AP2A1: variants seen among roughly 807,000 people sequenced by gnomAD.
AP2A1 encodes adaptor related protein complex 2 subunit alpha 1.
Under a neutral mutation model 107.3 loss-of-function variants are expected in AP2A1, and 21 were observed. That is an observed-to-expected ratio of 0.20 (90% confidence interval 0.14 to 0.28). The LOEUF is 0.28. AP2A1 is among the 10% of genes least tolerant of loss of function. The pLI, the probability that AP2A1 is intolerant of heterozygous loss-of-function variation, is 1.00. For missense variants in AP2A1, 873 were observed against 1,307.7 expected, an observed-to-expected ratio of 0.67 and a Z score of 5.13; for synonymous variants, 602 against 564.8, an observed-to-expected ratio of 1.07 and a Z score of -0.93.
intron 1 of AP2A1, among the ~76,000 whole-genome samples, chr19:49,767,676 A>G (rs1175020544): frequency 6.6e-6 from 1 of 151,988 alleles, no homozygotes; most frequent in Non-Finnish European, 1.5e-5. Context: ...GACCTGGGAT[A>G]GGGGGTGTCA....
intron 1 of AP2A1, among the ~76,000 whole-genome samples, chr19:49,776,615 C>T (rs569966014): frequency 1.4e-5 from 2 of 145,594 alleles, no homozygotes; most frequent in South Asian, 4.3e-4. Context: ...CCTCCTGTGA[C>T]AGTGAGCTCA....
At chr19:49,806,441 C>G in intron 22 of AP2A1, 188 bp downstream of exon 22, 1 of 1,431,060 alleles carries the variant, frequency 7.0e-7, no homozygotes, top group South Asian at 1.5e-5. Context: ...TCTGGTGTTC[C>G]TCTCCTCTTC....
rs1371179615 is a variant in AP2A1 at position 49,805,646 on chromosome 19, C to A, written c.2469-15C>A. The A allele has an allele frequency of 6.4e-7, 1 of 1,557,086 alleles. No homozygotes were observed. Among genetic ancestry groups the A allele is most frequent in the Admixed American group, 1.9e-5 (1 of 51,542 alleles). On this transcript the variant is annotated splice_polypyrimidine_tract_variant and intron_variant, in intron 19 of 22. Transcript: ENST00000354293. ...AGGGGCGGGGCCTAATGGAGCCTCCCTTTCACCTCATCAGGTACGGTGGCG... is the reference window on the plus strand; with the variant it reads ...AGGGGCGGGGCCTAATGGAGCCTCCATTTCACCTCATCAGGTACGGTGGCG...
chr19:49,795,131 C>T (rs1008047483), intron 6 of AP2A1, among the ~76,000 whole-genome samples: 3 of 152,228 alleles, frequency 2.0e-5, no homozygotes, highest in African/African-American at 7.2e-5. Flanking sequence ...AGCCGGTGCG[C>T]TGTGTGCTCT....
chr19:49,789,040 C>T (rs887862064), intron 4 of AP2A1, among the ~76,000 whole-genome samples: 4 of 152,170 alleles, frequency 2.6e-5, no homozygotes, highest in Non-Finnish European at 4.4e-5. Flanking sequence ...TAGCAACAGG[C>T]GTCAGTCGGG....
Position 49,806,740 on chromosome 19 carries a change from G to C in AP2A1, c.2850G>C (p.Leu950=). The change falls in exon 23 of 23, where the codon CTG becomes CTC. Residue 950 remains leucine, a synonymous_variant. Transcript: ENST00000354293. ...CCGTCTCCCGTCACCTGTGTGAGCT[G>C]CTGGCACAGCAGTTCTGAGCCCTGG... The part of the protein sequence containing the change: ...KEPVSRHLCE[L]LAQQF 3 of 1,613,750 alleles carry C rather than the reference G, an allele frequency of 1.9e-6. No homozygotes were observed. Among genetic ancestry groups the C allele is most frequent in the Non-Finnish European group, 2.5e-6 (3 of 1,179,870 alleles).
chr19:49,799,866 A>G, intron 10 of AP2A1, 100 bp downstream of exon 10: 1 of 1,560,148 alleles, frequency 6.4e-7, no homozygotes, highest in East Asian at 2.3e-5. Context: ...TGGGGCCTGG[A>G]CTCCTGGGTC....
intron 4 of AP2A1, among the ~76,000 whole-genome samples, chr19:49,789,710 A>G (rs1460348642): frequency 1.3e-5 from 2 of 151,350 alleles, no homozygotes; most frequent in Non-Finnish European, 2.9e-5. Flanking sequence ...TTGGGATTAC[A>G]GGTGTAAGCC....
chr19:49,799,567 G>T, intron 9 of AP2A1, 62 bp from the exon 10 acceptor site: 1 of 1,600,592 alleles, frequency 6.2e-7, no homozygotes, highest in South Asian at 1.1e-5. Context: ...AGGCCCTTGG[G>T]TGGCCAACCC....
intron 1 of AP2A1, among the ~76,000 whole-genome samples, chr19:49,771,072 G>A (rs897223846): frequency 3.3e-5 from 5 of 151,750 alleles, no homozygotes; most frequent in Admixed American, 6.6e-5. Flanking sequence ...GGATGGTCTC[G>A]AACTCCTGGC....
intron 12 of AP2A1, 97 bp from the exon 13 acceptor site, chr19:49,801,293 C>T (rs947003305): frequency 1.5e-6 from 2 of 1,294,794 alleles, no homozygotes; most frequent in African/African-American, 2.9e-5. Flanking sequence ...GCTTGGGGTC[C>T]TGGGACGGGT....
intron 4 of AP2A1, among the ~76,000 whole-genome samples, chr19:49,786,830 A>G (rs765726623): frequency 6.6e-6 from 1 of 152,152 alleles, no homozygotes; most frequent in African/African-American, 2.4e-5. Flanking sequence ...ACCGTGGCCA[A>G]CATGTGTGGG....
chr19:49,793,898 C>CTTTTTTT (rs956804227), intron 6 of AP2A1, among the ~76,000 whole-genome samples: 12 of 74,580 alleles, frequency 1.6e-4, no homozygotes, highest in East Asian at 4.3e-4. Context: ...CTCATTGTTT[C>CTTTTTTT]TTTTTTTTTT....
rs775959554 is a variant in AP2A1, at chr19:49,802,027, C to T, written c.2000C>T (p.Pro667Leu). 1.3e-6 allele frequency: 2 copies of T among 1,565,254 alleles called. No homozygotes were observed. Among genetic ancestry groups the T allele is most frequent in the Admixed American group, 1.9e-5 (1 of 53,646 alleles). The change falls in exon 15 of 23, where the codon CCT becomes CTT. Residue 667 changes from proline (P) to leucine (L), a missense_variant. By Grantham distance (98) the Pro-to-Leu change is moderately conservative (BLOSUM62 -3). Around this residue, in one of 4 missense-constraint regions of AP2A1, gnomAD observed 416 missense variants for 473.4 expected, o/e 0.88. Transcript: ENST00000354293. ...GACCTCCTGGGGCTGCGGGCAGCCC[C>T]TCCCCCGGCAGCACCCCCGGCTTCT... ...SADLLGLRAA[P>L]PPAAPPASAG...
intron 1 of AP2A1, among the ~76,000 whole-genome samples, chr19:49,780,214 C>T (rs886637024): frequency 6.6e-6 from 1 of 152,086 alleles, no homozygotes; most frequent in Admixed American, 6.6e-5. Context: ...GGAGGAAGTT[C>T]GACAGTGGAG....
At chr19:49,795,981 C>T (rs1438850709) in intron 7 of AP2A1, 1 of 540,650 alleles carries the variant, frequency 1.8e-6, no homozygotes, top group Non-Finnish European at 3.3e-6. Context: ...GCTACCCGGG[C>T]TCTCACTCCA....
intron 4 of AP2A1, among the ~76,000 whole-genome samples, chr19:49,789,041 G>A (rs555879224): frequency 2.0e-5 from 3 of 152,308 alleles, no homozygotes; most frequent in Admixed American, 6.5e-5. Context: ...AGCAACAGGC[G>A]TCAGTCGGGC....
At chr19:49,802,878 A>T (rs2073308254) in intron 15 of AP2A1, 71 bp from the exon 16 acceptor site, 3 of 1,522,080 alleles carry the variant, frequency 2.0e-6, no homozygotes, top group African/African-American at 2.8e-5. Flanking sequence ...TTGTTCTCGC[A>T]CTCAATCGCT....
intron 12 of AP2A1, 30 bp downstream of exon 12, chr19:49,801,088 C>T: frequency 1.3e-6 from 2 of 1,564,482 alleles, no homozygotes; most frequent in Non-Finnish European, 1.7e-6. Context: ...CAGGGGAGAA[C>T]ACACATGCTT....
Sources: gnomAD v4.1 joint callset for allele counts (sites outside exome capture counted in the v4.1 genomes callset) on GRCh38, gnomAD v4.1.1 for gene constraint, gnomAD v4.1.1 regional missense constraint, MANE v1.5 for transcripts, NCBI Gene and HGNC (gene_info 2026-07-23, HGNC 2026-07-21) for gene names.